The following OCLN variants were observed in gnomAD, a reference collection of about 807,000 sequenced individuals.
OCLN encodes occludin.
In OCLN, 21 loss-of-function variants were observed where a neutral mutation model predicts 47.9. The observed-to-expected ratio is 0.44, with a 90% CI of 0.31 to 0.63. The LOEUF (loss-of-function observed/expected upper bound fraction) is 0.63. Ranked by LOEUF, OCLN falls within the 30% of genes least tolerant of loss-of-function variation. The probability of loss-of-function intolerance (pLI) is 0.08; values close to 1 mark genes in which losing one functional copy is unlikely to be tolerated. For synonymous variants in OCLN, 117 were observed against 198.4 expected, an observed-to-expected ratio of 0.59 and a Z score of 3.45; for missense variants, 360 against 571.0, an observed-to-expected ratio of 0.63 and a Z score of 3.77.
Position 69,509,447 on chromosome 5 carries a change from CTATGGCTATGGT to C in OCLN, c.369_380del (p.Tyr126_Gly129del). Reference sequence around the variant, plus strand: ...TTGGTAGCTACGGAAGTGGCTATGGCTATGGCTATGGTTATGGCTATGGCTACGGAGGCTATA... The same window carrying C: ...TTGGTAGCTACGGAAGTGGCTATGGCTATGGCTATGGCTACGGAGGCTATA... On this transcript the variant is annotated inframe_deletion, in exon 3 of 9. Coordinates refer to ENST00000396442, the MANE Select transcript of OCLN (RefSeq NM_001205254.2). 6.2e-7 allele frequency: 1 copy of C among 1,614,162 alleles called. No individual in the cohort carries two copies. The highest frequency in any genetic ancestry group is 8.5e-7 in the Non-Finnish European group (1 of 1,180,030).
intron 4 of OCLN, among the ~76,000 whole-genome samples, chr5:69,518,758 A>G (rs1039681199): frequency 5.9e-5 from 9 of 152,250 alleles, no homozygotes; most frequent in South Asian, 2.1e-4. Context: ...ATGAGAATCT[A>G]GAATTAACTA....
chr5:69,520,515 G>A (rs1421497435), intron 4 of OCLN, among the ~76,000 whole-genome samples: 1 of 150,632 alleles, frequency 6.6e-6, no homozygotes, highest in African/African-American at 2.4e-5. Flanking sequence ...TGGCCAGGCT[G>A]GCCTCAAACT....
Position 69,493,753 on chromosome 5 carries a change from T to A in OCLN, c.-69+853T>A, listed in dbSNP as rs1481906905. Reference sequence around the variant, plus strand: ...AGCCGGGCCACGGAGTTTGGGGACCTCCGGGACTGGGCCGGCCCCGCGCGC... The same window carrying A: ...AGCCGGGCCACGGAGTTTGGGGACCACCGGGACTGGGCCGGCCCCGCGCGC... On this transcript the variant is annotated intron_variant, in intron 1 of 8. Coordinates refer to ENST00000396442, the MANE Select transcript of OCLN (RefSeq NM_001205254.2). The surrounding 1 kb of genome is among the most constrained non-coding windows in gnomAD (Gnocchi z 5.3). 6.6e-6 allele frequency among the ~76,000 whole-genome samples: 1 copy of A among 152,132 alleles called. No individual in the cohort carries two copies. The highest frequency in any genetic ancestry group is 2.4e-5 in the African/African-American group (1 of 41,428).
chr5:69,514,228 T>C, intron 4 of OCLN, 119 bp downstream of exon 4: 1 of 923,304 alleles, frequency 1.1e-6, no homozygotes, highest in South Asian at 1.4e-5. Flanking sequence ...GCAAAGGTTG[T>C]TGCATTGGTT....
intron 4 of OCLN, among the ~76,000 whole-genome samples, chr5:69,533,138 T>G (rs1004597001): frequency 6.6e-6 from 1 of 150,878 alleles, no homozygotes; most frequent in African/African-American, 2.5e-5. Context: ...CACACACATA[T>G]ATATACATAC....
chr5:69,521,853 T>G (rs1769146784), intron 4 of OCLN, among the ~76,000 whole-genome samples: 1 of 152,238 alleles, frequency 6.6e-6, no homozygotes, highest in East Asian at 1.9e-4. Context: ...CTATTCTTCA[T>G]CACTTGACAT....
intron 4 of OCLN, among the ~76,000 whole-genome samples, chr5:69,533,632 C>T (rs77368551): frequency 0.02 from 3,007 of 152,172 alleles, 55 homozygotes; most frequent in Middle Eastern, 0.038. Flanking sequence ...ATAAGAAGAA[C>T]CTGTATATGT....
In OCLN at chr5:69,493,264, T is replaced by TG. The variant is rs1006150970; in HGVS notation, c.-69+371dup. Among the ~76,000 whole-genome samples, 8 of 151,920 alleles carry TG rather than the reference T, an allele frequency of 5.3e-5. No homozygotes were observed. The highest frequency in any genetic ancestry group is 1.9e-4 in the East Asian group (1 of 5,152). On this transcript the variant is annotated intron_variant, in intron 1 of 8. Coordinates refer to ENST00000396442, the MANE Select transcript of OCLN (RefSeq NM_001205254.2). This position sits in a 1 kb window ranked among gnomAD's most constrained non-coding sequence, Gnocchi z 5.3. ...CTGCATCCGCTCTGGGGCTGCAGTT[T>TG]GGGGGGGCGGCCTTCATGGAGAGGG...
intron 4 of OCLN, among the ~76,000 whole-genome samples, chr5:69,519,736 C>G (rs1008262130): frequency 2.0e-5 from 3 of 151,998 alleles, no homozygotes; most frequent in African/African-American, 7.3e-5. Context: ...TTGGTATACT[C>G]AGGTGGTTGG....
chr5:69,496,561 CTTTT>C (rs77543950), intron 1 of OCLN, among the ~76,000 whole-genome samples: 4 of 122,756 alleles, frequency 3.3e-5, no homozygotes, highest in South Asian at 5.2e-4. Flanking sequence ...TTTTTTTATA[CTTTT>C]TTTTTTTTTT....
At chr5:69,518,873 A>G (rs1046382670) in intron 4 of OCLN, among the ~76,000 whole-genome samples, 1 of 152,186 alleles carries the variant, frequency 6.6e-6, no homozygotes, top group Non-Finnish European at 1.5e-5. Context: ...GGAAAAGAAA[A>G]ACTCATGTCT....
chr5:69,536,647 C>T (rs1402046434), intron 5 of OCLN, among the ~76,000 whole-genome samples: 29 of 147,442 alleles, frequency 2.0e-4, no homozygotes, highest in African/African-American at 6.4e-4. Context: ...CTCCAGCCTG[C>T]GTGACAAAGT....
rs139906709 is a variant in OCLN at position 69,511,527 on chromosome 5, T to A, written c.729+1708T>A. ...CCTGGGCTCAAGTGACCCTCCTACC[T>A]CAGTCTCCTGAGTAGCTAGGACCAC... On this transcript the variant is annotated intron_variant, in intron 3 of 8. Coordinates refer to ENST00000396442, the MANE Select transcript of OCLN (RefSeq NM_001205254.2). 8.9e-3 allele frequency among the ~76,000 whole-genome samples: 1,346 copies of A among 152,070 alleles called. 20 individuals are homozygous for A. Among genetic ancestry groups the A allele is most frequent in the African/African-American group, 0.03 (1,262 of 41,494 alleles).
chr5:69,526,673 G>GTAGAAAGGAGACTATTTAT (rs1157753150), intron 4 of OCLN, among the ~76,000 whole-genome samples: 4 of 149,394 alleles, frequency 2.7e-5, no homozygotes, highest in Non-Finnish European at 6.0e-5. Context: ...AAAGAAAAAA[G>GTAGAAAGGAGACTATTTAT]TAGAAAGGAG....
chr5:69,514,448 C>T (rs960238900), intron 4 of OCLN, among the ~76,000 whole-genome samples: 2 of 152,038 alleles, frequency 1.3e-5, no homozygotes, highest in African/African-American at 4.8e-5. Flanking sequence ...TGGAGATAAA[C>T]AGAAACCATT....
intron 4 of OCLN, among the ~76,000 whole-genome samples, chr5:69,529,853 C>A (rs1769382370): frequency 6.6e-6 from 1 of 152,154 alleles, no homozygotes; most frequent in African/African-American, 2.4e-5. Flanking sequence ...TCCCTCCTGC[C>A]TCAGCCTCCC....
chr5:69,504,060 A>G (rs1234904050), intron 1 of OCLN, 117 bp from the exon 2 acceptor site: 1 of 635,620 alleles, frequency 1.6e-6, no homozygotes, highest in Non-Finnish European at 2.9e-6. Flanking sequence ...TGATTGGACC[A>G]CTGCACTCCA....
chr5:69,504,014 T>A (rs1163127665), intron 1 of OCLN, among the ~76,000 whole-genome samples, 163 bp from the exon 2 acceptor site: 4 of 150,914 alleles, frequency 2.7e-5, no homozygotes, highest in African/African-American at 7.3e-5. Flanking sequence ...GTAGGAGGAG[T>A]ACTTGAGCCT....
chr5:69,512,988 T>C (rs1260629059), intron 3 of OCLN, among the ~76,000 whole-genome samples: 1 of 152,184 alleles, frequency 6.6e-6, no homozygotes, highest in African/African-American at 2.4e-5. Flanking sequence ...TTTAGAAGAC[T>C]GAAGGTTTTC....
Sources: gnomAD v4.1 joint callset for allele counts (sites outside exome capture counted in the v4.1 genomes callset) on GRCh38, gnomAD v4.1.1 for gene constraint, Gnocchi (gnomAD v3.1) non-coding constraint, MANE v1.5 for transcripts, NCBI Gene and HGNC (gene_info 2026-07-23, HGNC 2026-07-21) for gene names.